The following MYO16 variants were observed in gnomAD, a reference collection of about 807,000 sequenced individuals.
MYO16 encodes the protein unconventional myosin-XVI.
A neutral mutation model predicts 205.3 loss-of-function variants in MYO16; 94 were observed. That is an observed-to-expected ratio of 0.46 (90% confidence interval 0.39 to 0.54). The LOEUF is 0.54. Ranked by LOEUF, MYO16 falls within the 20% of genes least tolerant of loss-of-function variation. The pLI is 0.00. For missense variants in MYO16, 2,315 were observed against 2,387.5 expected (o/e 0.97, Z 0.63); for synonymous variants, 988 against 954.0 (o/e 1.04, Z -0.66).
intron 14 of MYO16, 95 bp from the exon 15 acceptor site, chr13:108,897,921 A>T: frequency 1.0e-6 from 1 of 1,002,834 alleles, no homozygotes; most frequent in Non-Finnish European, 1.5e-6. Context: ...AAACTTTCAG[A>T]CCAAGAAGTA....
chr13:108,510,452 T>C, the MYO16 span, among the ~76,000 whole-genome samples: 62,563 of 95,432 alleles, frequency 0.66, 21,436 homozygotes, highest in South Asian at 0.8. Context: ...ATATTTAACA[T>C]TGATAGCTGT....
chr13:109,078,123 T>A (rs1888168176), intron 27 of MYO16, among the ~76,000 whole-genome samples: 1 of 152,124 alleles, frequency 6.6e-6, no homozygotes, highest in Non-Finnish European at 1.5e-5. Context: ...TTAATTTGGA[T>A]CCCTTAAAAT....
chr13:108,897,429 C>T (rs980228209), intron 14 of MYO16, among the ~76,000 whole-genome samples: 5 of 152,260 alleles, frequency 3.3e-5, no homozygotes, highest in African/African-American at 4.8e-5. Flanking sequence ...CGAGAGAAGG[C>T]GGCATGGCAG....
chr13:108,826,860 A>G lies in MYO16; in HGVS notation c.1097+3582A>G, dbSNP rs536295686. On this transcript the variant is annotated intron_variant, in intron 9 of 34. Transcript: ENST00000457511. ...TATACTTCCTAGAATGGCCATTAAT[A>G]AAGAACAAAAAAATAAAGGTAAATC... Among the ~76,000 whole-genome samples the G allele has an allele frequency of 5.3e-5, 8 of 152,274 alleles. No individual in the cohort carries two copies. The South Asian group carries it at 1.5e-3, about 28-fold the overall frequency.
At chr13:108,906,459 A>G (rs1000937867) in intron 15 of MYO16, among the ~76,000 whole-genome samples, 2 of 152,184 alleles carry the variant, frequency 1.3e-5, no homozygotes, top group African/African-American at 4.8e-5. Flanking sequence ...CCAAATCCTG[A>G]TGTTAAATAA....
At chr13:108,963,007 C>T (rs1007436220) in intron 19 of MYO16, among the ~76,000 whole-genome samples, 1 of 152,228 alleles carries the variant, frequency 6.6e-6, no homozygotes, top group African/African-American at 2.4e-5. Context: ...AGTTAAATAA[C>T]TTTGAACCTC....
chr13:108,645,427 C>T (rs565070479), intron 1 of MYO16, among the ~76,000 whole-genome samples: 2 of 152,206 alleles, frequency 1.3e-5, no homozygotes, highest in East Asian at 1.9e-4. Flanking sequence ...TTGGTATGTA[C>T]GCTGTCTCCT....
At chr13:108,796,684 A>G (rs546244077) in intron 6 of MYO16, among the ~76,000 whole-genome samples, 1 of 150,014 alleles carries the variant, frequency 6.7e-6, no homozygotes, top group Non-Finnish European at 1.5e-5. Context: ...ACTAAACACC[A>G]CATGTTCTCA....
chr13:108,531,317 G>T, the MYO16 span, among the ~76,000 whole-genome samples: 1 of 152,332 alleles, frequency 6.6e-6, no homozygotes, highest in Admixed American at 6.5e-5. Context: ...CACTCTGGAG[G>T]AGGAGGAAGA....
intron 32 of MYO16, among the ~76,000 whole-genome samples, chr13:109,146,664 G>A (rs558682530): frequency 1.3e-5 from 2 of 152,096 alleles, no homozygotes; most frequent in Non-Finnish European, 2.9e-5. Context: ...AGGCATGGTG[G>A]CATGTGCCTG....
At chr13:108,719,391 T>G (rs1884071891) in intron 3 of MYO16, among the ~76,000 whole-genome samples, 3 of 152,178 alleles carry the variant, frequency 2.0e-5, no homozygotes, top group Non-Finnish European at 4.4e-5. Flanking sequence ...ACCAAACTGC[T>G]TATAATTCCA....
At chr13:108,785,101 GA>G (rs1886418501) in intron 4 of MYO16, among the ~76,000 whole-genome samples, 1 of 152,164 alleles carries the variant, frequency 6.6e-6, no homozygotes, top group Admixed American at 6.5e-5. Context: ...TTGCTGGAAA[GA>G]GAAAAATCAG....
intron 27 of MYO16, among the ~76,000 whole-genome samples, chr13:109,100,290 G>A (rs1199971042): frequency 1.3e-5 from 2 of 152,122 alleles, no homozygotes; most frequent in Non-Finnish European, 1.5e-5. Context: ...TGAAATATTC[G>A]ATATATAATA....
At chr13:108,696,595 G>A (rs1254821101) in intron 2 of MYO16, among the ~76,000 whole-genome samples, 2 of 152,172 alleles carry the variant, frequency 1.3e-5, no homozygotes, top group South Asian at 2.1e-4. Flanking sequence ...GGATACCTGC[G>A]GGGAAGGACC....
chr13:108,522,977 A>G, the MYO16 span, among the ~76,000 whole-genome samples: 1 of 152,156 alleles, frequency 6.6e-6, no homozygotes, highest in African/African-American at 2.4e-5. Context: ...ACACACTTCA[A>G]TCCATAACAA....
intron 2 of MYO16, among the ~76,000 whole-genome samples, chr13:108,681,381 A>G (rs866421704): frequency 7.2e-5 from 11 of 152,120 alleles, no homozygotes; most frequent in African/African-American, 2.4e-4. Flanking sequence ...CTTTTACATC[A>G]TCCTTCTCCA....
At chr13:108,657,772 A>G (rs1881310938) in intron 1 of MYO16, among the ~76,000 whole-genome samples, 1 of 152,184 alleles carries the variant, frequency 6.6e-6, no homozygotes, top group Admixed American at 6.5e-5. Flanking sequence ...TATTTACAAT[A>G]ATAACTGACT....
chr13:108,829,539 C>A (rs1484678090), intron 9 of MYO16, among the ~76,000 whole-genome samples: 1 of 152,106 alleles, frequency 6.6e-6, no homozygotes, highest in Admixed American at 6.5e-5. Flanking sequence ...TGGGTGAATA[C>A]TCTGATGAGG....
the MYO16 span, among the ~76,000 whole-genome samples, chr13:108,534,968 T>A: frequency 6.7e-6 from 1 of 149,618 alleles, no homozygotes; most frequent in African/African-American, 2.4e-5. Flanking sequence ...TTTTCTTCTT[T>A]CTTCTCCTCT....
Sources: allele counts gnomAD v4.1 joint callset (sites outside exome capture counted in the v4.1 genomes callset), GRCh38; gene constraint gnomAD v4.1.1; transcripts MANE v1.5; gene names NCBI Gene and HGNC (gene_info 2026-07-23, HGNC 2026-07-21).